QSOX1: variants seen among roughly 807,000 people sequenced by gnomAD.
QSOX1 encodes sulfhydryl oxidase 1.
In QSOX1, 40 loss-of-function variants were observed where a neutral mutation model predicts 76.1. The observed-to-expected ratio is 0.53, with a 90% CI of 0.41 to 0.68. The LOEUF (loss-of-function observed/expected upper bound fraction) is 0.68, where lower values mean the gene tolerates loss of function less well. Ranked by LOEUF, QSOX1 falls within the 30% of genes least tolerant of loss-of-function variation. The pLI is 0.00. For synonymous variants in QSOX1, 392 were observed against 413.1 expected, an observed-to-expected ratio of 0.95 and a Z score of 0.62; for missense variants, 931 against 974.3, an observed-to-expected ratio of 0.96 and a Z score of 0.59.
chr1:180,172,327 C>T (rs1662781947), intron 2 of QSOX1, among the ~76,000 whole-genome samples: 1 of 152,052 alleles, frequency 6.6e-6, no homozygotes, highest in Non-Finnish European at 1.5e-5. Context: ...AGACATTGGC[C>T]TGGGAGGTGG....
In QSOX1 at chr1:180,156,231, A is replaced by G. The variant is rs3767194; in HGVS notation, c.265+1059A>G. Among the ~76,000 whole-genome samples, 3,556 of 152,248 alleles carry G rather than the reference A, an allele frequency of 0.023. 192 individuals carry two copies. The East Asian group carries it at 0.23, about 10-fold the overall frequency. ...AAGATTCCTGTGGTGTCACACATCC[A>G]CCTAATCCAGGTAGTGGGTATTTGG... On this transcript the variant is annotated intron_variant, in intron 1 of 11. Coordinates refer to ENST00000367602, the MANE Select transcript of QSOX1 (RefSeq NM_002826.5).
chr1:180,165,881 T>A lies in QSOX1; in HGVS notation c.266-610T>A, dbSNP rs60107761. 4.7e-3 allele frequency among the ~76,000 whole-genome samples: 720 copies of A among 152,380 alleles called. 6 individuals carry two copies. Among genetic ancestry groups the A allele is most frequent in the African/African-American group, 0.016 (670 of 41,598 alleles). ...AGCAGCCTTGTGGCCCGGGGCCTGA[T>A]GCAGGGGCCAGACTCTGGCCTCAAG... On this transcript the variant is annotated intron_variant, in intron 1 of 11. Coordinates refer to ENST00000367602, the MANE Select transcript of QSOX1 (RefSeq NM_002826.5).
Position 180,196,927 on chromosome 1 carries a change from C to T in QSOX1, c.2134C>T (p.Leu712Phe), listed in dbSNP as rs752834455. ...GGGCTTCTCTTACCTGGACATCAGC[C>T]TCTGTGTGGGGCTCTATTCCCTGTC... ...GGGFSYLDISLCVGLYSLSFM... is the reference protein window; with the variant it reads ...GGGFSYLDISFCVGLYSLSFM... The change falls in exon 12 of 12, where the codon CTC becomes TTC. Residue 712 changes from leucine to phenylalanine, a missense_variant. Physicochemically the swap from Leu to Phe is conservative, Grantham distance 22. Coordinates refer to ENST00000367602, the MANE Select transcript of QSOX1 (RefSeq NM_002826.5). This position sits in a 1 kb window ranked among gnomAD's most constrained non-coding sequence, Gnocchi z 4.1. The T allele has an allele frequency of 1.3e-6, 2 of 1,599,116 alleles. No individual in the cohort carries two copies. The highest frequency in any genetic ancestry group is 1.7e-6 in the Non-Finnish European group (2 of 1,170,904).
chr1:180,155,193 G>A (rs940255311), intron 1 of QSOX1, 21 bp downstream of exon 1: 3 of 1,468,332 alleles, frequency 2.0e-6, no homozygotes, highest in Non-Finnish European at 1.8e-6. Context: ...GGGGCGGCCC[G>A]CTCCCCCGTG....
At position 180,194,342 on chromosome 1, in the gene QSOX1, C is replaced by G; in HGVS notation, c.1418C>G (p.Ala473Gly). 6.2e-7 allele frequency: 1 copy of G among 1,602,276 alleles called. No individual in the cohort carries two copies. Among genetic ancestry groups the G allele is most frequent in the Non-Finnish European group, 8.5e-7 (1 of 1,172,452 alleles). The stretch of plus-strand genomic sequence containing the variant: ...CACCGGGTGGGGAGTCCCAACGCCG[C>G]TGTCCTCTGGCTCTGGTCTAGCCAC... Reference protein sequence around the residue: ...SMHRVGSPNAAVLWLWSSHNR... With the variant: ...SMHRVGSPNAGVLWLWSSHNR... The change falls in exon 11 of 12, where the codon GCT becomes GGT. Residue 473 changes from alanine to glycine, a missense_variant. By Grantham distance (60) the Ala-to-Gly change is moderately conservative. Coordinates refer to ENST00000367602, the MANE Select transcript of QSOX1 (RefSeq NM_002826.5).
chr1:180,197,770 G>A lies in QSOX1; in HGVS notation c.*733G>A, dbSNP rs1051005207. ...CCTGGCTTAGCTGCAGGAGAAGATG[G>A]CTGCTTTCACTTCCCCCCATTGAGC... is the stretch of plus-strand genomic sequence containing the variant. On this transcript the variant is annotated 3_prime_UTR_variant, in exon 12 of 12. Transcript: ENST00000367602. The A allele has an allele frequency of 2.7e-5, 7 of 261,482 alleles. No homozygotes were observed. Among genetic ancestry groups the A allele is most frequent in the Non-Finnish European group, 5.3e-5 (7 of 132,976 alleles). The allele number at this position is 261,482 out of a possible 1,614,324, so 16.2% of individuals were successfully genotyped here.
Position 180,198,860 on chromosome 1 carries a change from T to A in QSOX1, c.*1823T>A, listed in dbSNP as rs1393385121. 5.4e-6 allele frequency: 1 copy of A among 186,328 alleles called. No individual in the cohort carries two copies. The highest frequency in any genetic ancestry group is 2.3e-5 in the African/African-American group (1 of 42,678). 11.5% of individuals were successfully genotyped at this position (186,328 alleles called of 1,614,324 possible). A position where few individuals can be genotyped will look rare whatever the true frequency, so the allele number is the denominator to read the frequency against. On this transcript the variant is annotated 3_prime_UTR_variant, in exon 12 of 12. Transcript: ENST00000367602. ...ACAGAGGCTCCCAGGGCCGGTGCCC[T>A]GTGTGCCCACTGCACCAAGGCCGCT...
At chr1:180,173,190 G>A (rs953597971) in intron 2 of QSOX1, among the ~76,000 whole-genome samples, 3 of 151,954 alleles carry the variant, frequency 2.0e-5, no homozygotes, top group Non-Finnish European at 4.4e-5. Flanking sequence ...TTGAACTCCA[G>A]GGTTCAAGTG....
At chr1:180,187,002 C>A (rs556903794) in intron 8 of QSOX1, among the ~76,000 whole-genome samples, 1 of 152,202 alleles carries the variant, frequency 6.6e-6, no homozygotes, top group African/African-American at 2.4e-5. Context: ...TGGCTCTGGG[C>A]GCTTCGGGTT....
intron 11 of QSOX1, among the ~76,000 whole-genome samples, chr1:180,194,649 G>A (rs568827250): frequency 1.3e-5 from 2 of 152,264 alleles, no homozygotes; most frequent in South Asian, 4.1e-4. Flanking sequence ...CTAGCCTACT[G>A]GGGTCCCTCT....
At chr1:180,193,413 G>A (rs1248372534) in intron 10 of QSOX1, among the ~76,000 whole-genome samples, 3 of 151,682 alleles carry the variant, frequency 2.0e-5, no homozygotes, top group Non-Finnish European at 4.4e-5. Flanking sequence ...GGGCTGCTGC[G>A]GGTCTCACCT....
At chr1:180,195,144 C>T (rs1474846617) in intron 11 of QSOX1, among the ~76,000 whole-genome samples, 3 of 152,154 alleles carry the variant, frequency 2.0e-5, no homozygotes, top group Non-Finnish European at 4.4e-5. Context: ...TTCCCCCACC[C>T]CGCCCCTGCC....
At chr1:180,192,550 G>T (rs926837692) in intron 10 of QSOX1, among the ~76,000 whole-genome samples, 2 of 152,158 alleles carry the variant, frequency 1.3e-5, no homozygotes, top group South Asian at 4.1e-4. Context: ...TATGTTAAAG[G>T]CAGAGCTGAG....
At chr1:180,191,143 G>A (rs929599443) in intron 10 of QSOX1, among the ~76,000 whole-genome samples, 5 of 152,182 alleles carry the variant, frequency 3.3e-5, no homozygotes, top group African/African-American at 9.6e-5. Context: ...GAAAGGATGC[G>A]CATCCAATTC....
chr1:180,156,389 G>T (rs1188256040), intron 1 of QSOX1, among the ~76,000 whole-genome samples: 1 of 152,196 alleles, frequency 6.6e-6, no homozygotes, highest in Admixed American at 6.5e-5. Flanking sequence ...AGAACTGTGG[G>T]CATCTTTGGA....
intron 10 of QSOX1, among the ~76,000 whole-genome samples, chr1:180,192,803 A>G (rs1048519050): frequency 2.6e-5 from 4 of 152,172 alleles, no homozygotes; most frequent in Admixed American, 2.6e-4. Context: ...TATAGTCATT[A>G]GTAGCATCAG....
At chr1:180,176,664 A>AAGAGACAGCTAGATT (rs1182440690) in intron 4 of QSOX1, among the ~76,000 whole-genome samples, 1 of 152,204 alleles carries the variant, frequency 6.6e-6, no homozygotes, top group Non-Finnish European at 1.5e-5. Context: ...TTTCCCAAAG[A>AAGAGACAGCTAGATT]AGAGACAGCT....
chr1:180,181,122 A>G (rs548555990), intron 5 of QSOX1, among the ~76,000 whole-genome samples: 2 of 152,224 alleles, frequency 1.3e-5, no homozygotes, highest in Non-Finnish European at 2.9e-5. Flanking sequence ...TGGACACTAC[A>G]TAATACCTAT....
At chr1:180,155,331 T>G (rs1662352763) in intron 1 of QSOX1, among the ~76,000 whole-genome samples, 159 bp downstream of exon 1, 1 of 151,998 alleles carries the variant, frequency 6.6e-6, no homozygotes, top group African/African-American at 2.4e-5. Flanking sequence ...TTCATGTTTC[T>G]CAGCTCCATT....
Sources: gnomAD v4.1 joint callset for allele counts (sites outside exome capture counted in the v4.1 genomes callset) on GRCh38, gnomAD v4.1.1 for gene constraint, Gnocchi (gnomAD v3.1) non-coding constraint, MANE v1.5 for transcripts, NCBI Gene and HGNC (gene_info 2026-07-23, HGNC 2026-07-21) for gene names.